Variants in CDH13 observed in about 807,000 individuals in gnomAD.
The protein encoded by CDH13 is cadherin 13.
A neutral mutation model predicts 63.8 loss-of-function variants in CDH13; 24 were observed. The observed-to-expected ratio is 0.38, with a 90% confidence interval of 0.27 to 0.53. The LOEUF (loss-of-function observed/expected upper bound fraction) is 0.53, where lower values mean the gene tolerates loss of function less well. CDH13 is among the 20% of genes least tolerant of loss of function. CDH13 has a pLI of 0.85. For synonymous variants in CDH13, 503 were observed against 355.3 expected (o/e 1.42, Z -4.67); for missense variants, 1,049 against 903.1 (o/e 1.16, Z -2.07).
At chr16:82,882,406 A>G (rs902153753) in intron 2 of CDH13, among the ~76,000 whole-genome samples, 2 of 151,852 alleles carry the variant, frequency 1.3e-5, no homozygotes, top group African/African-American at 4.8e-5. Flanking sequence ...CTAGTCTCCA[A>G]CTCCGCTGCC....
chr16:83,351,959 T>G (rs2090959826), intron 6 of CDH13, among the ~76,000 whole-genome samples: 1 of 152,196 alleles, frequency 6.6e-6, no homozygotes, highest in Non-Finnish European at 1.5e-5. Context: ...ACTAGCTGTT[T>G]TGTAGATAGT....
intron 3 of CDH13, among the ~76,000 whole-genome samples, chr16:83,112,963 C>G (rs569992484): frequency 5.9e-5 from 9 of 152,260 alleles, no homozygotes; most frequent in East Asian, 1.9e-4. Flanking sequence ...GAACTCATGT[C>G]TGGTACACAT....
intron 6 of CDH13, among the ~76,000 whole-genome samples, chr16:83,432,358 C>G (rs945712255): frequency 2.0e-5 from 3 of 152,150 alleles, no homozygotes; most frequent in Non-Finnish European, 4.4e-5. Context: ...TAATCTACCC[C>G]AATGGTAGTT....
At chr16:83,764,488 C>G (rs1430916490) in intron 11 of CDH13, among the ~76,000 whole-genome samples, 1 of 152,190 alleles carries the variant, frequency 6.6e-6, no homozygotes, top group Non-Finnish European at 1.5e-5. Flanking sequence ...CCATCTCAAC[C>G]AGTTCATCCT....
chr16:83,015,362 C>G (rs981174772), intron 2 of CDH13, among the ~76,000 whole-genome samples: 2 of 151,304 alleles, frequency 1.3e-5, no homozygotes, highest in African/African-American at 4.9e-5. Flanking sequence ...ATAGAATGAC[C>G]AAATCTCCAC....
chr16:83,098,199 A>T (rs1369663403), intron 3 of CDH13, among the ~76,000 whole-genome samples: 1 of 152,234 alleles, frequency 6.6e-6, no homozygotes, highest in East Asian at 1.9e-4. Flanking sequence ...TGTAGTATAC[A>T]TCTTTAACTT....
intron 6 of CDH13, among the ~76,000 whole-genome samples, chr16:83,391,018 A>G (rs539014936): frequency 6.6e-6 from 1 of 152,220 alleles, no homozygotes; most frequent in East Asian, 1.9e-4. Context: ...AAACCATACA[A>G]AGTACAACGA....
At chr16:83,189,695 C>G (rs2038637066) in intron 4 of CDH13, among the ~76,000 whole-genome samples, 1 of 152,176 alleles carries the variant, frequency 6.6e-6, no homozygotes, top group African/African-American at 2.4e-5. Flanking sequence ...AAGCTGGTCA[C>G]AAGCTGCATC....
chr16:82,923,380 A>G (rs773767427), intron 2 of CDH13, among the ~76,000 whole-genome samples: 10 of 152,210 alleles, frequency 6.6e-5, no homozygotes, highest in Non-Finnish European at 1.5e-4. Flanking sequence ...ACATAAGCAT[A>G]TTTACTGCTG....
chr16:83,014,842 G>GTATATA (rs369072006), intron 2 of CDH13, among the ~76,000 whole-genome samples: 1 of 35,950 alleles, frequency 2.8e-5, no homozygotes, highest in Admixed American at 3.8e-4. Context: ...ATATATATTT[G>GTATATA]TATATATATA....
chr16:83,690,541 G>T (rs1904753633), intron 10 of CDH13, among the ~76,000 whole-genome samples: 1 of 152,134 alleles, frequency 6.6e-6, no homozygotes, highest in South Asian at 2.1e-4. Context: ...GGAGAAGATG[G>T]GGAAAGTGTT....
chr16:83,123,978 T>C (rs1444100126), intron 3 of CDH13, among the ~76,000 whole-genome samples: 1 of 152,204 alleles, frequency 6.6e-6, no homozygotes, highest in African/African-American at 2.4e-5. Flanking sequence ...ATTTTTCATA[T>C]GTCTGTTGGC....
In CDH13 at chr16:82,651,629, C is replaced by G. The variant is rs1910731343; in HGVS notation, c.45+24492C>G. On this transcript the variant is annotated intron_variant, in intron 1 of 13. Transcript: ENST00000567109. The stretch of plus-strand genomic sequence containing the variant: ...CTATTAGGGAGGTGGTGTTTTTCCA[C>G]TTTACAGTGAGGAGACTGAGGCTTA... 2.6e-5 allele frequency among the ~76,000 whole-genome samples: 4 copies of G among 152,324 alleles called. No individual in the cohort carries two copies. The South Asian group carries it at 8.3e-4, about 32-fold the overall frequency.
intron 3 of CDH13, among the ~76,000 whole-genome samples, chr16:83,078,994 C>A (rs2033047044): frequency 6.6e-6 from 1 of 152,106 alleles, no homozygotes; most frequent in Non-Finnish European, 1.5e-5. Context: ...GGGGTTTCAC[C>A]ATGTTGGCCA....
chr16:83,231,724 C>G (rs1336844758), intron 5 of CDH13, among the ~76,000 whole-genome samples: 1 of 152,148 alleles, frequency 6.6e-6, no homozygotes, highest in African/African-American at 2.4e-5. Context: ...TACTCTGCCC[C>G]TCTACAGAAA....
chr16:83,648,562 A>C (rs944336917), intron 8 of CDH13, among the ~76,000 whole-genome samples: 9 of 152,026 alleles, frequency 5.9e-5, no homozygotes, highest in African/African-American at 2.2e-4. Flanking sequence ...AGTGAGTTAC[A>C]CTGGAGGCTT....
intron 2 of CDH13, among the ~76,000 whole-genome samples, chr16:82,941,651 C>T (rs920471567): frequency 4.6e-5 from 7 of 152,170 alleles, no homozygotes; most frequent in African/African-American, 1.7e-4. Flanking sequence ...TAAATGTCCT[C>T]CAGGCACCAG....
At chr16:83,369,040 C>G (rs1231291210) in intron 6 of CDH13, among the ~76,000 whole-genome samples, 1 of 150,086 alleles carries the variant, frequency 6.7e-6, no homozygotes, top group Non-Finnish European at 1.5e-5. Flanking sequence ...GTGCAAGTAT[C>G]TTTTTCGTAT....
chr16:83,052,924 A>G (rs938351993), intron 3 of CDH13, among the ~76,000 whole-genome samples: 5 of 152,212 alleles, frequency 3.3e-5, no homozygotes, highest in African/African-American at 1.2e-4. Context: ...AGATTGGGCC[A>G]AAGCCTAAAG....
Sources: allele counts gnomAD v4.1 joint callset (sites outside exome capture counted in the v4.1 genomes callset), GRCh38; gene constraint gnomAD v4.1.1; transcripts MANE v1.5; gene names NCBI Gene and HGNC (gene_info 2026-07-23, HGNC 2026-07-21).